Variants in IPCEF1 observed in about 807,000 individuals in gnomAD.
IPCEF1 encodes the protein interactor protein for cytohesin exchange factors 1.
IPCEF1 carries 31 observed loss-of-function variants against 50.9 expected under a neutral mutation model. The observed-to-expected ratio is 0.61, with a 90% confidence interval of 0.46 to 0.82. The LOEUF is 0.82. Ranked by LOEUF, IPCEF1 falls within the 40% of genes least tolerant of loss-of-function variation. The pLI is 0.00. For missense variants in IPCEF1, 458 were observed against 514.0 expected (o/e 0.89, Z 1.05); for synonymous variants, 181 against 192.0 (o/e 0.94, Z 0.47).
intron 10 of IPCEF1, among the ~76,000 whole-genome samples, chr6:154,190,838 C>T (rs1211610800): frequency 6.6e-6 from 1 of 152,156 alleles, no homozygotes; most frequent in Admixed American, 6.5e-5. Flanking sequence ...TAAAAAGTGA[C>T]CTATCCAGGA....
rs1562513822 is a variant in IPCEF1, at chr6:154,156,860, G to GA, written c.*2967dup. ...TGGATCTACAGGCTAACAACAGAGG[G>GA]AAAAGGTCCTCTTCACAACCCCAAA... is the stretch of plus-strand genomic sequence containing the variant. On this transcript the variant is annotated 3_prime_UTR_variant, in exon 12 of 12. Transcript: ENST00000367220. 1.3e-5 allele frequency: 2 copies of GA among 152,190 alleles called. No homozygotes were observed. The highest frequency in any genetic ancestry group is 4.8e-5 in the African/African-American group (2 of 41,416). 9.4% of individuals were successfully genotyped at this position (152,190 alleles called of 1,614,324 possible).
chr6:154,214,110 G>A (rs1178810630), intron 8 of IPCEF1, 108 bp downstream of exon 8: 3 of 763,002 alleles, frequency 3.9e-6, no homozygotes, highest in Non-Finnish European at 7.0e-6. Context: ...GCCAAAGCAT[G>A]TTTCCTCAGG....
At chr6:154,230,476 T>C (rs1035886720) in intron 5 of IPCEF1, among the ~76,000 whole-genome samples, 1 of 152,232 alleles carries the variant, frequency 6.6e-6, no homozygotes, top group African/African-American at 2.4e-5. Context: ...CATGATAACA[T>C]TTGCCCTTTT....
chr6:154,255,320 T>G (rs1016506964), intron 3 of IPCEF1, among the ~76,000 whole-genome samples: 2 of 152,204 alleles, frequency 1.3e-5, no homozygotes, highest in African/African-American at 4.8e-5. Flanking sequence ...ATAATTGAGG[T>G]GGGTATAAAA....
chr6:154,290,478 TGCTCTAAAAC>T (rs1342323634), intron 1 of IPCEF1, among the ~76,000 whole-genome samples: 1 of 152,164 alleles, frequency 6.6e-6, no homozygotes. Context: ...CTTTTGTTCT[TGCTCTAAAAC>T]TTTTTAATAA....
At chr6:154,208,161 TG>T (rs1224447942) in intron 9 of IPCEF1, among the ~76,000 whole-genome samples, 11 of 152,260 alleles carry the variant, frequency 7.2e-5, no homozygotes, top group African/African-American at 2.6e-4. Context: ...AGTCCTTAAC[TG>T]GCCCATATGC....
chr6:154,343,380 A>G (rs2128698827), intron 1 of IPCEF1, among the ~76,000 whole-genome samples: 1 of 152,376 alleles, frequency 6.6e-6, no homozygotes, highest in Non-Finnish European at 1.5e-5. Context: ...ATTAGTGGAA[A>G]GAAGATGTTA....
rs111634936 is a variant in IPCEF1, at chr6:154,282,681, C to T, written c.-18+7032G>A. 8.3e-3 allele frequency among the ~76,000 whole-genome samples: 1,255 copies of T among 151,734 alleles called. 24 individuals are homozygous for T. The highest frequency in any genetic ancestry group is 0.028 in the African/African-American group (1,155 of 41,408). On this transcript the variant is annotated intron_variant, in intron 2 of 11. Coordinates refer to ENST00000367220, the MANE Select transcript of IPCEF1 (RefSeq NM_001130700.2). ...TGGCCTGGGCAAAAGAGCGAGACTC[C>T]GTCTCAAAAAAAAAAGAACTAGCTG...
At chr6:154,235,480 G>A (rs141698531) in intron 5 of IPCEF1, among the ~76,000 whole-genome samples, 1,609 of 141,676 alleles carry the variant, frequency 0.011, 32 homozygotes, top group African/African-American at 0.039. Flanking sequence ...ACAGTCAGCC[G>A]AGATCGCACC....
At chr6:154,242,258 T>G (rs1367890725) in intron 5 of IPCEF1, among the ~76,000 whole-genome samples, 1 of 152,174 alleles carries the variant, frequency 6.6e-6, no homozygotes, top group East Asian at 1.9e-4. Context: ...ATCGGAACCT[T>G]GGGGCCTTTC....
chr6:154,231,862 A>G (rs993959430), intron 5 of IPCEF1, among the ~76,000 whole-genome samples: 4 of 152,248 alleles, frequency 2.6e-5, no homozygotes, highest in African/African-American at 9.6e-5. Context: ...AAAGAAAAGC[A>G]ATTCTCGAAA....
At chr6:154,337,277 T>A (rs913371824) in intron 1 of IPCEF1, among the ~76,000 whole-genome samples, 3 of 152,174 alleles carry the variant, frequency 2.0e-5, no homozygotes, top group African/African-American at 7.2e-5. Context: ...AGAAAAAGGC[T>A]AGAAAAAGAC....
Position 154,212,784 on chromosome 6 carries a change from G to A in IPCEF1, c.523C>T (p.Gln175Ter). The A allele has an allele frequency of 6.2e-7, 1 of 1,611,534 alleles. No homozygotes were observed. The highest frequency in any genetic ancestry group is 8.5e-7 in the Non-Finnish European group (1 of 1,177,662). The change falls in exon 9 of 12, where the codon CAG (glutamine) becomes TAG (stop). Residue 175 changes from glutamine to a stop codon, truncating the protein, a stop_gained. Transcript: ENST00000367220. LOFTEE classifies it high-confidence loss of function. ...TCGGTACATACCAAAGACTGAGTCT[G>A]GGAAGCGTGAGGAGGGGGTGGTGTC... is the stretch of plus-strand genomic sequence containing the variant. Reference protein sequence around the residue: ...AETPPPPHASQTQSLTAQQAS... With the variant: ...AETPPPPHAS
intron 9 of IPCEF1, among the ~76,000 whole-genome samples, chr6:154,206,968 C>A (rs1777549094): frequency 6.6e-6 from 1 of 152,188 alleles, no homozygotes; most frequent in South Asian, 2.1e-4. Flanking sequence ...ATTTAAGAAG[C>A]AATGAGAATT....
intron 5 of IPCEF1, among the ~76,000 whole-genome samples, chr6:154,241,081 CAA>C (rs998786661): frequency 6.6e-5 from 10 of 151,822 alleles, no homozygotes; most frequent in African/African-American, 2.4e-4. Context: ...ACTAAAAATA[CAA>C]AACTTAGCTG....
chr6:154,230,771 G>A (rs1439196170), intron 5 of IPCEF1, among the ~76,000 whole-genome samples: 6 of 152,030 alleles, frequency 3.9e-5, no homozygotes, highest in Non-Finnish European at 8.8e-5. Context: ...TCTGAAATCA[G>A]AAGACACCTT....
chr6:154,286,862 C>T lies in IPCEF1; in HGVS notation c.-18+2851G>A, dbSNP rs139838970. 1.6e-3 allele frequency among the ~76,000 whole-genome samples: 244 copies of T among 152,306 alleles called. 3 individuals are homozygous for T. Among genetic ancestry groups the T allele is most frequent in the African/African-American group, 5.6e-3 (234 of 41,568 alleles). On this transcript the variant is annotated intron_variant, in intron 2 of 11. Transcript: ENST00000367220. The stretch of plus-strand genomic sequence containing the variant: ...CCGATGACAAGATCATTCATCACCA[C>T]GTGATATTGTTTGGCCCCGTGTCCC...
At chr6:154,344,439 A>G (rs559280974) in intron 1 of IPCEF1, among the ~76,000 whole-genome samples, 1 of 152,264 alleles carries the variant, frequency 6.6e-6, no homozygotes, top group East Asian at 1.9e-4. Flanking sequence ...TCTCATTCAC[A>G]CACATTATCT....
chr6:154,280,198 G>A (rs531453759), intron 2 of IPCEF1, among the ~76,000 whole-genome samples: 1 of 152,320 alleles, frequency 6.6e-6, no homozygotes, highest in African/African-American at 2.4e-5. Context: ...AGATGTACAT[G>A]CCTCAGATAT....
Sources: gnomAD v4.1 joint callset for allele counts (sites outside exome capture counted in the v4.1 genomes callset) on GRCh38, gnomAD v4.1.1 for gene constraint, MANE v1.5 for transcripts, NCBI Gene and HGNC (gene_info 2026-07-23, HGNC 2026-07-21) for gene names.